Variants in SDK1 observed in about 807,000 individuals in gnomAD.
The protein encoded by SDK1 is sidekick cell adhesion molecule 1.
A neutral mutation model predicts 245.5 loss-of-function variants in SDK1; 157 were observed. That is an observed-to-expected ratio of 0.64 (90% CI 0.56 to 0.73). The LOEUF is 0.73. Among genes scored for constraint, SDK1 ranks in the 30% least tolerant of loss-of-function variants. The pLI is 0.00. For synonymous variants in SDK1, 1,647 were observed against 1,278.5 expected (o/e 1.29, Z -6.15); for missense variants, 3,583 against 3,002.3 (o/e 1.19, Z -4.52).
chr7:3,771,863 CTT>C (rs916848720), intron 4 of SDK1, among the ~76,000 whole-genome samples: 15 of 152,186 alleles, frequency 9.9e-5, no homozygotes, highest in Non-Finnish European at 4.4e-5. Flanking sequence ...CTCCAGAACT[CTT>C]TTCATCTTGC....
At chr7:3,600,110 ATTTTATAAT>A (rs1460546198) in intron 1 of SDK1, among the ~76,000 whole-genome samples, 2 of 152,282 alleles carry the variant, frequency 1.3e-5, no homozygotes, top group Non-Finnish European at 2.9e-5. Context: ...TGTTACCAGC[ATTTTATAAT>A]TTTCAGCATA....
chr7:3,610,321 G>A (rs1024293146), intron 1 of SDK1, among the ~76,000 whole-genome samples: 1 of 152,038 alleles, frequency 6.6e-6, no homozygotes, highest in African/African-American at 2.4e-5. Flanking sequence ...ATTTAATCAG[G>A]GTTGATTTCT....
In SDK1 at chr7:3,897,776, A is replaced by T. The variant is rs116772286; in HGVS notation, c.848-53147A>T. ...GTGTGTGTGTGTGTGTTATAATGGG[A>T]AGAAGATGAAATAAATGGTTATAGT... On this transcript the variant is annotated intron_variant, in intron 5 of 44. Coordinates refer to ENST00000404826, the MANE Select transcript of SDK1 (RefSeq NM_152744.4). 4.8e-3 allele frequency among the ~76,000 whole-genome samples: 726 copies of T among 152,150 alleles called. 4 individuals are homozygous for T. Among genetic ancestry groups the T allele is most frequent in the African/African-American group, 0.017 (687 of 41,494 alleles).
Position 4,001,953 on chromosome 7 carries a change from A to T in SDK1, c.2132-9013A>T, listed in dbSNP as rs548020088. 5.3e-5 allele frequency among the ~76,000 whole-genome samples: 8 copies of T among 152,322 alleles called. 1 individual carries two copies. In the South Asian group the frequency reaches 1.7e-3, roughly 32 times the overall value. On this transcript the variant is annotated intron_variant, in intron 14 of 44. Coordinates refer to ENST00000404826, the MANE Select transcript of SDK1 (RefSeq NM_152744.4). The stretch of plus-strand genomic sequence containing the variant: ...ATTGTGTTTGTCTTAGATGTGTTTC[A>T]TGCCTGAATAGAGTCACATTCATCT...
Position 4,129,558 on chromosome 7 carries a change from T to G in SDK1, c.3940-350T>G, listed in dbSNP as rs114665538. The G allele has an allele frequency of 1.5e-3, 1,086 of 708,960 alleles. 8 individuals are homozygous for G. In the African/African-American group the frequency reaches 0.016, roughly 11 times the overall value. 43.9% of individuals were successfully genotyped at this position (708,960 alleles called of 1,614,324 possible). On this transcript the variant is annotated intron_variant, in intron 26 of 44. Coordinates refer to ENST00000404826, the MANE Select transcript of SDK1 (RefSeq NM_152744.4). ...AAACCCAGGGGGCTGCTGGCTCCTGTGGCAGGAAGCAGAGTGTTGTCTGTG... is the reference window on the plus strand; with the variant it reads ...AAACCCAGGGGGCTGCTGGCTCCTGGGGCAGGAAGCAGAGTGTTGTCTGTG...
At chr7:3,518,313 A>C (rs1328179906) in intron 1 of SDK1, among the ~76,000 whole-genome samples, 1 of 152,156 alleles carries the variant, frequency 6.6e-6, no homozygotes, top group Non-Finnish European at 1.5e-5. Context: ...TCTCAAAAAC[A>C]CAGGCAACAA....
intron 22 of SDK1, among the ~76,000 whole-genome samples, chr7:4,098,968 C>T (rs1341511600): frequency 3.3e-5 from 5 of 151,572 alleles, no homozygotes; most frequent in South Asian, 2.1e-4. Context: ...CTACTGTGCC[C>T]GGCCACAAAT....
In SDK1 at chr7:3,543,996, C is replaced by T. The variant is rs139619297; in HGVS notation, c.299-75084C>T. ...TTATTATCACTGGCCATCTCTACTACTGCTCAACTGAATTCCTTCCTCAAC... is the reference window on the plus strand; with the variant it reads ...TTATTATCACTGGCCATCTCTACTATTGCTCAACTGAATTCCTTCCTCAAC... On this transcript the variant is annotated intron_variant, in intron 1 of 44. Coordinates refer to ENST00000404826, the MANE Select transcript of SDK1 (RefSeq NM_152744.4). Among the ~76,000 whole-genome samples, 9 of 152,328 alleles carry T rather than the reference C, an allele frequency of 5.9e-5. No individual in the cohort carries two copies. In the East Asian group the frequency reaches 1.7e-3, roughly 29 times the overall value.
intron 28 of SDK1, among the ~76,000 whole-genome samples, chr7:4,133,835 T>G (rs1182986950): frequency 6.6e-6 from 1 of 152,192 alleles, no homozygotes; most frequent in African/African-American, 2.4e-5. Context: ...GACACCCCGA[T>G]TCGGCTAGCC....
intron 4 of SDK1, among the ~76,000 whole-genome samples, chr7:3,716,583 G>T (rs1379116250): frequency 6.6e-6 from 1 of 151,908 alleles, no homozygotes; most frequent in Non-Finnish European, 1.5e-5. Flanking sequence ...AAGGTAGTGA[G>T]ACCCCATTGC....
intron 4 of SDK1, among the ~76,000 whole-genome samples, chr7:3,723,789 C>G (rs1778903149): frequency 1.4e-5 from 2 of 146,654 alleles, no homozygotes; most frequent in African/African-American, 5.2e-5. Context: ...TATACACGTA[C>G]TTATACATAT....
chr7:4,067,781 G>T, intron 19 of SDK1, 57 bp from the exon 20 acceptor site: 2 of 1,364,490 alleles, frequency 1.5e-6, no homozygotes, highest in South Asian at 1.2e-5. Flanking sequence ...CCACACATCT[G>T]ATCAAAAGAA....
At chr7:3,961,848 T>A (rs997103121) in intron 8 of SDK1, among the ~76,000 whole-genome samples, 1 of 152,158 alleles carries the variant, frequency 6.6e-6, no homozygotes, top group Non-Finnish European at 1.5e-5. Flanking sequence ...TGCACATATA[T>A]GCACCACCTC....
At chr7:3,980,934 C>T (rs145055398) in intron 13 of SDK1, among the ~76,000 whole-genome samples, 2,222 of 131,640 alleles carry the variant, frequency 0.017, 23 homozygotes, top group Non-Finnish European at 0.026. Flanking sequence ...AGCGAGACTC[C>T]ATCTCAAAAA....
At chr7:3,487,173 G>T (rs1375575041) in intron 1 of SDK1, among the ~76,000 whole-genome samples, 6 of 152,132 alleles carry the variant, frequency 3.9e-5, no homozygotes, top group Admixed American at 1.3e-4. Context: ...GTCTTAGTGT[G>T]CCAGCTCCTG....
intron 1 of SDK1, among the ~76,000 whole-genome samples, chr7:3,467,029 C>CACACACACACAG (rs1288513856): frequency 8.0e-5 from 11 of 137,556 alleles, no homozygotes; most frequent in African/African-American, 1.6e-4. Context: ...CACACACACA[C>CACACACACACAG]AGAGATGTAA....
intron 5 of SDK1, among the ~76,000 whole-genome samples, chr7:3,916,872 G>A (rs1736687506): frequency 1.3e-5 from 2 of 152,182 alleles, no homozygotes; most frequent in Admixed American, 6.5e-5. Flanking sequence ...TGGATGGATA[G>A]ATAGATAATA....
rs146260485 is a variant in SDK1, at chr7:3,401,666, G to C, written c.298+99782G>C. On this transcript the variant is annotated intron_variant, in intron 1 of 44. Transcript: ENST00000404826. ...TTACTTCTTACTTGCACTTTGGGCAGTTACATTACTTCTCTGAGCCTTATT... is the reference window on the plus strand; with the variant it reads ...TTACTTCTTACTTGCACTTTGGGCACTTACATTACTTCTCTGAGCCTTATT... Among the ~76,000 whole-genome samples the C allele has an allele frequency of 9.1e-3, 1,377 of 152,106 alleles. 18 individuals are homozygous for C. The highest frequency in any genetic ancestry group is 0.018 in the South Asian group (88 of 4,814).
At chr7:3,797,209 C>T (rs905599212) in intron 4 of SDK1, among the ~76,000 whole-genome samples, 2 of 151,926 alleles carry the variant, frequency 1.3e-5, no homozygotes, top group Admixed American at 1.3e-4. Context: ...TCTCTAACCC[C>T]TAGCTCCAAG....
Sources: gnomAD v4.1 joint callset for allele counts (sites outside exome capture counted in the v4.1 genomes callset) on GRCh38, gnomAD v4.1.1 for gene constraint, MANE v1.5 for transcripts, NCBI Gene and HGNC (gene_info 2026-07-23, HGNC 2026-07-21) for gene names.